The following UBAP1 variants were observed in gnomAD, a reference collection of about 807,000 sequenced individuals.
UBAP1 encodes ubiquitin associated protein 1.
In UBAP1, 5 loss-of-function variants were observed where a neutral mutation model predicts 39.0. The observed-to-expected ratio is 0.13, with a 90% CI of 0.07 to 0.27. The LOEUF is 0.27. UBAP1 is among the 10% of genes least tolerant of loss of function. UBAP1 has a pLI of 1.00. For missense variants in UBAP1, 490 were observed against 608.1 expected (o/e 0.81, Z 2.04); for synonymous variants, 211 against 225.1 (o/e 0.94, Z 0.56).
intron 1 of UBAP1, among the ~76,000 whole-genome samples, chr9:34,193,945 G>T (rs1004304277): frequency 3.9e-5 from 6 of 152,090 alleles, no homozygotes; most frequent in African/African-American, 1.2e-4. Flanking sequence ...CCTTTCTTGG[G>T]GCAGGTGAAA....
intron 1 of UBAP1, among the ~76,000 whole-genome samples, chr9:34,181,530 T>G (rs1830032732): frequency 6.6e-6 from 1 of 151,022 alleles, no homozygotes; most frequent in African/African-American, 2.4e-5. Flanking sequence ...CCTCCCGCGT[T>G]CACGCCATTC....
chr9:34,247,651 C>T lies in UBAP1; in HGVS notation c.1084-2128C>T, dbSNP rs565326361. On this transcript the variant is annotated intron_variant, in intron 4 of 6. Transcript: ENST00000297661. ...GTTGGTCAGGCTGGTCTTGAACTCC[C>T]GACCTCAGGTGGTCTGCCTGCCTTG... Among the ~76,000 whole-genome samples the T allele has an allele frequency of 4.6e-5, 7 of 152,020 alleles. No individual in the cohort carries two copies. In the South Asian group the frequency reaches 1.0e-3, roughly 23 times the overall value.
chr9:34,182,168 A>G (rs1276201944), intron 1 of UBAP1, among the ~76,000 whole-genome samples: 882 of 77,862 alleles, frequency 0.011, 63 homozygotes, highest in African/African-American at 0.032. Context: ...ACGTTTATTT[A>G]TTTATTTATT....
At chr9:34,233,116 C>T (rs1187387948) in intron 2 of UBAP1, among the ~76,000 whole-genome samples, 1 of 152,090 alleles carries the variant, frequency 6.6e-6, no homozygotes, top group Non-Finnish European at 1.5e-5. Flanking sequence ...ACTCAGAATC[C>T]CATGATTTTG....
intron 1 of UBAP1, among the ~76,000 whole-genome samples, chr9:34,193,528 A>G (rs1483442640): frequency 6.6e-6 from 1 of 151,910 alleles, no homozygotes; most frequent in Non-Finnish European, 1.5e-5. Context: ...ACCCCTGGAC[A>G]CCAGTTGCAT....
chr9:34,182,672 T>TC (rs1554645023), intron 1 of UBAP1, among the ~76,000 whole-genome samples: 468 of 32,586 alleles, frequency 0.014, 14 homozygotes, highest in Middle Eastern at 0.029. Context: ...TCTTTCTTTC[T>TC]TTCTTTCTTT....
chr9:34,221,025 T>C, intron 2 of UBAP1, 77 bp downstream of exon 2: 1 of 1,308,624 alleles, frequency 7.6e-7, no homozygotes, highest in South Asian at 1.2e-5. Flanking sequence ...TAGTTTTAAG[T>C]ACAAGTGCCC....
chr9:34,213,298 G>T (rs1832116171), intron 1 of UBAP1, among the ~76,000 whole-genome samples: 1 of 152,098 alleles, frequency 6.6e-6, no homozygotes, highest in Admixed American at 6.6e-5. Context: ...ATTACCTGAG[G>T]TCAGGAGTTT....
Position 34,241,256 on chromosome 9 carries a change from G to A in UBAP1, c.231G>A (p.Arg77=). 4.0e-6 allele frequency: 6 copies of A among 1,505,804 alleles called. No individual in the cohort carries two copies. Among genetic ancestry groups the A allele is most frequent in the Non-Finnish European group, 4.4e-6 (5 of 1,128,778 alleles). The allele number at this position is 1,505,804 out of a possible 1,614,324, so 93.3% of individuals were successfully genotyped here. A position where few individuals can be genotyped will look rare whatever the true frequency, so the allele number is the denominator to read the frequency against. ...EEIKKIEEAE[R]EAECKIAEAE... Reference sequence around the variant, plus strand: ...TTAAGAAAATCGAAGAAGCCGAGCGGGAAGCAGAGTGCAAAATTGCGGAAG... The same window carrying A: ...TTAAGAAAATCGAAGAAGCCGAGCGAGAAGCAGAGTGCAAAATTGCGGAAG... The change falls in exon 4 of 7, where the codon CGG becomes CGA. Residue 77 remains arginine, a synonymous_variant. Transcript: ENST00000297661.
In UBAP1 at chr9:34,179,140, C is replaced by G. The variant is rs1317473120; in HGVS notation, c.-108C>G. ...AGAGTTGGAGGTGGTGGCGTTCGCT[C>G]TCCCTAGGGGCTGTCGGGAGCTCAG... On this transcript the variant is annotated 5_prime_UTR_variant, in exon 1 of 7. Transcript: ENST00000297661. The G allele has an allele frequency of 1.6e-6, 2 of 1,263,202 alleles. No individual in the cohort carries two copies. The highest frequency in any genetic ancestry group is 2.0e-6 in the Non-Finnish European group (2 of 1,002,106). The allele number at this position is 1,263,202 out of a possible 1,614,324, so 78.2% of individuals were successfully genotyped here.
chr9:34,211,916 GA>G, intron 1 of UBAP1: 1 of 328,350 alleles, frequency 3.0e-6, no homozygotes, highest in South Asian at 2.5e-5. Flanking sequence ...CATTTGAACT[GA>G]AGTGATACTG....
intron 4 of UBAP1, among the ~76,000 whole-genome samples, chr9:34,244,359 T>C (rs1834118953): frequency 7.1e-6 from 1 of 141,586 alleles, no homozygotes; most frequent in Non-Finnish European, 1.5e-5. Context: ...TCCATGTTGT[T>C]GCAAATGACA....
rs201693529 is a variant in UBAP1, at chr9:34,235,309, G to A, written c.159+969G>A. ...TTTGTGTATATGTGTATATATATAT[G>A]TGTGTGTGTGTGTGTGTGTGTGTAT... On this transcript the variant is annotated intron_variant, in intron 3 of 6. Transcript: ENST00000297661. 9.9e-4 allele frequency among the ~76,000 whole-genome samples: 57 copies of A among 57,576 alleles called. No homozygotes were observed. The South Asian group carries it at 0.012, about 12-fold the overall frequency. The allele number at this position is 57,576 out of a possible 152,430, so 37.8% of individuals were successfully genotyped here. A position where few individuals can be genotyped will look rare whatever the true frequency, so the allele number is the denominator to read the frequency against.
At chr9:34,185,689 G>C (rs1587781684) in intron 1 of UBAP1, among the ~76,000 whole-genome samples, 1 of 151,950 alleles carries the variant, frequency 6.6e-6, no homozygotes, top group Non-Finnish European at 1.5e-5. Context: ...CTACTAAAAA[G>C]ACAAAAATTA....
intron 1 of UBAP1, among the ~76,000 whole-genome samples, chr9:34,185,137 T>C (rs1390376071): frequency 6.6e-6 from 1 of 151,822 alleles, no homozygotes; most frequent in East Asian, 2.0e-4. Flanking sequence ...TTTCACCTTA[T>C]TCACCAGGCT....
At chr9:34,233,220 C>CTCT (rs1175348497) in intron 2 of UBAP1, among the ~76,000 whole-genome samples, 2 of 99,750 alleles carry the variant, frequency 2.0e-5, no homozygotes, top group Non-Finnish European at 4.5e-5. Context: ...GTAATTCTTT[C>CTCT]TCTTCTTTTT....
chr9:34,215,193 T>C (rs1465667470), intron 1 of UBAP1, among the ~76,000 whole-genome samples: 2 of 152,204 alleles, frequency 1.3e-5, no homozygotes, highest in African/African-American at 2.4e-5. Flanking sequence ...AGCAGCACAA[T>C]TCACAAGTGT....
At chr9:34,222,275 C>G (rs896208108) in intron 2 of UBAP1, among the ~76,000 whole-genome samples, 1 of 152,126 alleles carries the variant, frequency 6.6e-6, no homozygotes, top group East Asian at 1.9e-4. Context: ...TGTGATTTTA[C>G]TTGCTTATAT....
intron 1 of UBAP1, among the ~76,000 whole-genome samples, chr9:34,216,227 T>C (rs1832309628): frequency 1.3e-5 from 2 of 151,856 alleles, no homozygotes; most frequent in South Asian, 2.1e-4. Flanking sequence ...CTTACTGAGG[T>C]GAAATTCACA....
Sources: allele counts gnomAD v4.1 joint callset (sites outside exome capture counted in the v4.1 genomes callset), GRCh38; gene constraint gnomAD v4.1.1; transcripts MANE v1.5; gene names NCBI Gene and HGNC (gene_info 2026-07-23, HGNC 2026-07-21).